Variants in SEMA5B observed in about 807,000 individuals in gnomAD.
SEMA5B encodes the protein semaphorin 5B.
A neutral mutation model predicts 135.0 loss-of-function variants in SEMA5B; 66 were observed. The ratio of observed to expected loss-of-function variants is 0.49; its 90% CI spans 0.40 to 0.60. The LOEUF (loss-of-function observed/expected upper bound fraction) is 0.60, where lower values mean the gene tolerates loss of function less well. SEMA5B is among the 20% of genes least tolerant of loss of function. The pLI, the probability that SEMA5B is intolerant of heterozygous loss-of-function variation, is 0.00. For missense variants in SEMA5B, 1,501 were observed against 1,566.3 expected (o/e 0.96, Z 0.70); for synonymous variants, 690 against 639.5 (o/e 1.08, Z -1.19).
chr3:122,912,780 G>A, intron 18 of SEMA5B, 63 bp downstream of exon 18: 1 of 1,440,406 alleles, frequency 6.9e-7, no homozygotes, highest in Non-Finnish European at 9.4e-7. Flanking sequence ...CCTGGGGCGG[G>A]GAAGGGGGCC....
intron 1 of SEMA5B, among the ~76,000 whole-genome samples, chr3:123,011,364 A>T (rs1942434894): frequency 6.6e-6 from 1 of 152,208 alleles, no homozygotes; most frequent in Non-Finnish European, 1.5e-5. Context: ...CCTCTGTGTC[A>T]CACCTGAGCA....
chr3:122,932,462 A>G (rs1939028538), intron 5 of SEMA5B, among the ~76,000 whole-genome samples: 1 of 151,836 alleles, frequency 6.6e-6, no homozygotes, highest in South Asian at 2.1e-4. Flanking sequence ...TAATCACCTG[A>G]CCACAAGGTA....
chr3:122,947,601 A>G (rs920993223), intron 3 of SEMA5B, among the ~76,000 whole-genome samples: 8 of 152,216 alleles, frequency 5.3e-5, no homozygotes, highest in African/African-American at 1.9e-4. Flanking sequence ...GGAGCCCAGA[A>G]CTGAGGACTG....
chr3:123,006,288 G>T (rs1942308286), intron 1 of SEMA5B, among the ~76,000 whole-genome samples: 1 of 152,188 alleles, frequency 6.6e-6, no homozygotes, highest in Admixed American at 6.5e-5. Context: ...CAAGTCAGGA[G>T]CGTGAAAATG....
chr3:122,943,312 GC>G, intron 4 of SEMA5B, 123 bp downstream of exon 4: 1 of 648,210 alleles, frequency 1.5e-6, no homozygotes, highest in Non-Finnish European at 2.7e-6. Flanking sequence ...CAAGGAGAGG[GC>G]CCAGCAGAGA....
At chr3:123,004,036 T>C (rs1415939314) in intron 1 of SEMA5B, among the ~76,000 whole-genome samples, 1 of 152,132 alleles carries the variant, frequency 6.6e-6, no homozygotes. Flanking sequence ...CAAAATTGTG[T>C]CATGTATCCA....
chr3:122,925,329 C>T (rs981601723), intron 9 of SEMA5B, among the ~76,000 whole-genome samples: 2 of 151,752 alleles, frequency 1.3e-5, no homozygotes, highest in Non-Finnish European at 2.9e-5. Flanking sequence ...AGTCTTGGGC[C>T]ACACATAAAA....
rs941607518 is a variant in SEMA5B, at chr3:122,921,954, C to G, written c.1649G>C (p.Arg550Pro). 1 of 1,535,804 alleles carries G rather than the reference C, an allele frequency of 6.5e-7. No individual in the cohort carries two copies. The highest frequency in any genetic ancestry group is 8.7e-7 in the Non-Finnish European group (1 of 1,145,652). ...LFVGLRDGVL[R>P]VPLERCAAYR... The stretch of plus-strand genomic sequence containing the variant: ...GGCGGCGCACCTCTCCAGTGGGACC[C>G]GCAGGACGCCGTCTCTCAGCCCCAC... Residue 550 changes from arginine (R) to proline (P), a missense_variant, in exon 12 of 23, where the codon CGG (arginine) becomes CCG (proline). This residue lies in a region of SEMA5B where 927 missense variants were observed against 881.6 expected (regional missense o/e 1.05). Coordinates refer to ENST00000357599, the MANE Select transcript of SEMA5B (RefSeq NM_001031702.4).
At chr3:123,011,583 A>C in intron 1 of SEMA5B, among the ~76,000 whole-genome samples, 1 of 152,184 alleles carries the variant, frequency 6.6e-6, no homozygotes, top group African/African-American at 2.4e-5. Flanking sequence ...CCTCTGTGAA[A>C]TGAAGCCCTG....
At position 123,016,877 on chromosome 3, in the gene SEMA5B, T is replaced by C. The variant is rs146574973; in HGVS notation, c.-39+10587A>G. On this transcript the variant is annotated intron_variant, in intron 1 of 22. Coordinates refer to ENST00000357599, the MANE Select transcript of SEMA5B (RefSeq NM_001031702.4). ...GATTACCAGTGTGAGCCACTGTGCC[T>C]GGCCTCAGGTGCATTTTTTTTTTTT... 2.6e-3 allele frequency among the ~76,000 whole-genome samples: 387 copies of C among 149,286 alleles called. 4 individuals are homozygous for C. The highest frequency in any genetic ancestry group is 9.2e-3 in the African/African-American group (368 of 40,078).
chr3:122,930,587 AC>A (rs1423931872), intron 5 of SEMA5B, among the ~76,000 whole-genome samples: 1 of 152,354 alleles, frequency 6.6e-6, no homozygotes, highest in Non-Finnish European at 1.5e-5. Flanking sequence ...CTCTGCGAGG[AC>A]CGCATGAGCA....
At chr3:122,967,319 C>A (rs934073970) in intron 1 of SEMA5B, among the ~76,000 whole-genome samples, 3 of 152,136 alleles carry the variant, frequency 2.0e-5, no homozygotes, top group African/African-American at 7.2e-5. Flanking sequence ...CTCCTAACTA[C>A]CCCCACACGA....
chr3:122,948,671 C>A lies in SEMA5B; in HGVS notation c.163G>T (p.Glu55Ter). ...CCTGCAAGCACCATGATAGGCCCCT[C>A]TGCAGTCCTAGCTCCGGGAGGCAGA... Reference protein sequence around the residue: ...PCLPPGARTAEGPIMVLAGPL... With the variant: ...PCLPPGARTA The change falls in exon 3 of 23, where the codon GAG (glutamate) becomes TAG (stop). Residue 55 changes from glutamate to a stop codon, truncating the protein, a stop_gained. Coordinates refer to ENST00000357599, the MANE Select transcript of SEMA5B (RefSeq NM_001031702.4). LOFTEE classifies it high-confidence loss of function. 1 of 1,611,878 alleles carries A rather than the reference C, an allele frequency of 6.2e-7. No homozygotes were observed. Among genetic ancestry groups the A allele is most frequent in the Non-Finnish European group, 8.5e-7 (1 of 1,178,544 alleles).
chr3:123,013,313 A>C (rs1270124616), intron 1 of SEMA5B, among the ~76,000 whole-genome samples: 2 of 152,196 alleles, frequency 1.3e-5, no homozygotes, highest in East Asian at 3.8e-4. Context: ...AAACCAGGAA[A>C]TCCTCACAAC....
In SEMA5B at chr3:122,913,023, G is replaced by C; in HGVS notation, c.2545C>G (p.Pro849Ala). 1 of 1,589,728 alleles carries C rather than the reference G, an allele frequency of 6.3e-7. No homozygotes were observed. Among genetic ancestry groups the C allele is most frequent in the Non-Finnish European group, 8.6e-7 (1 of 1,168,528 alleles). ...EVLLRSGSTS[P>A]HTVSGGWAAW... ...GCCCAGCCCCCGCTCACCGTGTGCG[G>C]GGAGGTGCTCCCGCTGCGCAGGAGG... is the stretch of plus-strand genomic sequence containing the variant. The change falls in exon 18 of 23, where the codon CCG becomes GCG. Residue 849 changes from proline (P) to alanine (A), a missense_variant. Around this residue, in one of 2 missense-constraint regions of SEMA5B, gnomAD observed 927 missense variants for 881.6 expected, o/e 1.05. Transcript: ENST00000357599.
intron 1 of SEMA5B, among the ~76,000 whole-genome samples, chr3:123,012,229 T>C (rs550694577): frequency 4.6e-5 from 7 of 152,284 alleles, no homozygotes; most frequent in African/African-American, 1.7e-4. Context: ...TAGTAAGTCC[T>C]CATACATGGT....
intron 1 of SEMA5B, among the ~76,000 whole-genome samples, chr3:122,982,714 C>T (rs1941559557): frequency 6.6e-6 from 1 of 152,058 alleles, no homozygotes; most frequent in Non-Finnish European, 1.5e-5. Context: ...AGGTCTGCTG[C>T]CTGTAAACAC....
At chr3:122,927,573 T>C (rs1029038710) in intron 8 of SEMA5B, among the ~76,000 whole-genome samples, 1 of 152,200 alleles carries the variant, frequency 6.6e-6, no homozygotes, top group Admixed American at 6.5e-5. Context: ...CCACCCTCCA[T>C]CTGTTCTGTG....
At chr3:122,993,559 G>A (rs1941940254) in intron 1 of SEMA5B, among the ~76,000 whole-genome samples, 1 of 152,180 alleles carries the variant, frequency 6.6e-6, no homozygotes, top group Admixed American at 6.5e-5. Flanking sequence ...GAGACTGTAT[G>A]TGTGCATGTG....
Sources: allele counts gnomAD v4.1 joint callset (sites outside exome capture counted in the v4.1 genomes callset), GRCh38; gene constraint gnomAD v4.1.1; regional missense constraint gnomAD v4.1.1; transcripts MANE v1.5; gene names NCBI Gene and HGNC (gene_info 2026-07-23, HGNC 2026-07-21).